GDAP1: variants seen among roughly 807,000 people sequenced by gnomAD.
The protein encoded by GDAP1 is ganglioside induced differentiation associated protein 1.
GDAP1 carries 34 observed loss-of-function variants against 40.1 expected under a neutral mutation model. That is an observed-to-expected ratio of 0.85 (90% CI 0.64 to 1.13). The LOEUF (loss-of-function observed/expected upper bound fraction) is 1.13, where lower values mean the gene tolerates loss of function less well. Among genes scored for constraint, GDAP1 ranks in the 50% most tolerant of loss-of-function variants. The pLI is 0.00. For synonymous variants in GDAP1, 170 were observed against 157.4 expected (o/e 1.08, Z -0.60); for missense variants, 374 against 433.7 (o/e 0.86, Z 1.22).
chr8:74,411,020 C>G lies in GDAP1; in HGVS notation c.165+59699C>G, dbSNP rs184095322. On this transcript the variant is annotated intron_variant, in intron 2 of 2. Transcript: ENST00000523640. ...TGGGGGAGGTTTCCCTCTTGCTGTT[C>G]TCATGATAGTGAGTTCTTATGAGAT... Among the ~76,000 whole-genome samples, 8 of 149,896 alleles carry G rather than the reference C, an allele frequency of 5.3e-5. No individual in the cohort carries two copies. The East Asian group carries it at 1.5e-3, about 29-fold the overall frequency.
At chr8:74,401,902 C>G (rs370016896) in intron 2 of GDAP1, among the ~76,000 whole-genome samples, 12 of 149,962 alleles carry the variant, frequency 8.0e-5, no homozygotes, top group African/African-American at 2.5e-4. Context: ...GCTGTCTGAT[C>G]GTTCCTCTGT....
intron 2 of GDAP1, among the ~76,000 whole-genome samples, chr8:74,473,411 G>A (rs1000356039): frequency 1.3e-5 from 2 of 152,092 alleles, no homozygotes; most frequent in Non-Finnish European, 2.9e-5. Flanking sequence ...TTGTCTTCCA[G>A]GATTTTTACA....
chr8:74,387,409 G>A (rs550226603), intron 2 of GDAP1, among the ~76,000 whole-genome samples: 5 of 152,160 alleles, frequency 3.3e-5, no homozygotes, highest in South Asian at 2.1e-4. Flanking sequence ...GAATTTTATC[G>A]AAGGCCTTTT....
At chr8:74,462,551 A>G (rs1806414054) in intron 2 of GDAP1, among the ~76,000 whole-genome samples, 2 of 152,254 alleles carry the variant, frequency 1.3e-5, no homozygotes, top group Non-Finnish European at 2.9e-5. Flanking sequence ...CAATTTTATA[A>G]AAATACACTG....
chr8:74,424,416 G>A (rs755642898), intron 2 of GDAP1, among the ~76,000 whole-genome samples: 1 of 152,006 alleles, frequency 6.6e-6, no homozygotes, highest in Admixed American at 6.6e-5. Context: ...TCTTCATTTA[G>A]CCTCCAAGAT....
At chr8:74,383,762 A>G (rs1451229090) in intron 2 of GDAP1, among the ~76,000 whole-genome samples, 3 of 152,138 alleles carry the variant, frequency 2.0e-5, no homozygotes, top group Admixed American at 6.5e-5. Flanking sequence ...CCAGTTTATC[A>G]GGTTTGGTTT....
chr8:74,386,799 G>A (rs1214417756), intron 2 of GDAP1, among the ~76,000 whole-genome samples: 3 of 152,168 alleles, frequency 2.0e-5, no homozygotes, highest in African/African-American at 7.2e-5. Context: ...TCACAATATT[G>A]ATTCTTCGTA....
chr8:74,478,700 G>T (rs1335223919), intron 2 of GDAP1, among the ~76,000 whole-genome samples: 2 of 152,166 alleles, frequency 1.3e-5, no homozygotes, highest in African/African-American at 4.8e-5. Context: ...CTCCACTGTA[G>T]CCACTCCCAC....
intron 2 of GDAP1, among the ~76,000 whole-genome samples, chr8:74,423,111 A>G (rs1428688149): frequency 2.0e-5 from 3 of 147,890 alleles, no homozygotes; most frequent in Non-Finnish European, 4.5e-5. Context: ...GTCATTGCCA[A>G]TGATAACATC....
chr8:74,461,096 T>C (rs1806395213), intron 2 of GDAP1, among the ~76,000 whole-genome samples: 1 of 152,242 alleles, frequency 6.6e-6, no homozygotes, highest in Non-Finnish European at 1.5e-5. Context: ...CACTTTGGCC[T>C]TTGGGCGTTG....
At chr8:74,485,380 G>A (rs1469553921) in intron 2 of GDAP1, among the ~76,000 whole-genome samples, 1 of 152,044 alleles carries the variant, frequency 6.6e-6, no homozygotes, top group Non-Finnish European at 1.5e-5. Context: ...GGCTTTCCAG[G>A]GACACCCCTT....
At chr8:74,483,280 C>A (rs1326149299) in intron 2 of GDAP1, among the ~76,000 whole-genome samples, 1 of 152,104 alleles carries the variant, frequency 6.6e-6, no homozygotes, top group African/African-American at 2.4e-5. Flanking sequence ...ATAAGATAAA[C>A]ACACAATAAC....
chr8:74,485,096 T>C (rs1043976498), intron 2 of GDAP1, among the ~76,000 whole-genome samples: 1 of 152,198 alleles, frequency 6.6e-6, no homozygotes, highest in Non-Finnish European at 1.5e-5. Flanking sequence ...AGTTAATATG[T>C]AATTTTTTTT....
At chr8:74,471,732 T>C (rs1235988748) in intron 2 of GDAP1, among the ~76,000 whole-genome samples, 1 of 152,174 alleles carries the variant, frequency 6.6e-6, no homozygotes, top group Non-Finnish European at 1.5e-5. Context: ...TCGGTCAGTT[T>C]ACACTTTCTA....
chr8:74,363,072 T>A lies in GDAP1; in HGVS notation c.694+19T>A, dbSNP rs1257299644. The A allele has an allele frequency of 1.8e-6, 2 of 1,116,310 alleles. No individual in the cohort carries two copies. Among genetic ancestry groups the A allele is most frequent in the Non-Finnish European group, 2.8e-6 (2 of 725,754 alleles). The allele number at this position is 1,116,310 out of a possible 1,614,324, so 69.2% of individuals were successfully genotyped here. On this transcript the variant is annotated intron_variant, in intron 5 of 5. Transcript: ENST00000220822. ...ACCCCAGGTAGGTTCTCATTTATAT[T>A]CTTTCTCTCTTTTCAACATCAGTAT...
At chr8:74,425,792 G>T (rs567246373) in intron 2 of GDAP1, among the ~76,000 whole-genome samples, 1 of 152,306 alleles carries the variant, frequency 6.6e-6, no homozygotes, top group African/African-American at 2.4e-5. Context: ...TGATGGTGAA[G>T]CCTGTAGGTA....
At chr8:74,383,677 C>G (rs1035941834) in intron 2 of GDAP1, among the ~76,000 whole-genome samples, 1 of 152,168 alleles carries the variant, frequency 6.6e-6, no homozygotes, top group South Asian at 2.1e-4. Context: ...TCTACATCCT[C>G]TGACATTAAT....
At position 74,450,735 on chromosome 8, in the gene GDAP1, A is replaced by C. The variant is rs1806291260; in HGVS notation, c.166-37943A>C. Among the ~76,000 whole-genome samples the C allele has an allele frequency of 1.2e-4, 4 of 34,038 alleles. 2 individuals are homozygous for C. The highest frequency in any genetic ancestry group is 2.3e-4 in the Non-Finnish European group (4 of 17,262). 22.3% of individuals were successfully genotyped at this position (34,038 alleles called of 152,430 possible). A position where few individuals can be genotyped will look rare whatever the true frequency, so the allele number is the denominator to read the frequency against. ...GATATTTGATTTGGCAATCTCTTTT[A>C]ATTGCAGCTTTTAGTTTATTTACAT... On this transcript the variant is annotated intron_variant, in intron 2 of 2. Transcript: ENST00000523640.
intron 2 of GDAP1, among the ~76,000 whole-genome samples, chr8:74,359,802 A>G (rs1365885755): frequency 2.0e-5 from 3 of 152,226 alleles, no homozygotes; most frequent in African/African-American, 7.2e-5. Flanking sequence ...TGTATAGAAG[A>G]AGGCACATGT....
Sources: gnomAD v4.1 joint callset for allele counts (sites outside exome capture counted in the v4.1 genomes callset) on GRCh38, gnomAD v4.1.1 for gene constraint, MANE v1.5 for transcripts, NCBI Gene and HGNC (gene_info 2026-07-23, HGNC 2026-07-21) for gene names.